OPCML: variants seen among roughly 807,000 people sequenced by gnomAD.
OPCML encodes the protein opioid-binding protein/cell adhesion molecule.
OPCML carries 13 observed loss-of-function variants against 37.8 expected under a neutral mutation model. That is an observed-to-expected ratio of 0.34 (90% CI 0.22 to 0.55). The LOEUF (loss-of-function observed/expected upper bound fraction) is 0.55, where lower values mean the gene tolerates loss of function less well. Among genes scored for constraint, OPCML ranks in the 20% least tolerant of loss-of-function variants. The probability of loss-of-function intolerance (pLI) is 0.91; values close to 1 mark genes in which losing one functional copy is unlikely to be tolerated. For synonymous variants in OPCML, 176 were observed against 168.8 expected (o/e 1.04, Z -0.33); for missense variants, 341 against 435.6 (o/e 0.78, Z 1.93).
chr11:132,966,784 C>T (rs1280941637), intron 1 of OPCML, among the ~76,000 whole-genome samples: 1 of 151,944 alleles, frequency 6.6e-6, no homozygotes, highest in East Asian at 1.9e-4. Context: ...TGGATTGACC[C>T]TTTTATCATA....
rs981997370 is a variant in OPCML, at chr11:132,916,899, G to A, written c.146+26027C>T. ...CACATTAGACCTTTCTACTAAGTAG[G>A]AAATTAAACTTTCACTAAGGCAGCA... On this transcript the variant is annotated intron_variant, in intron 2 of 7. Transcript: ENST00000524381. 2.0e-5 allele frequency among the ~76,000 whole-genome samples: 3 copies of A among 152,260 alleles called. No homozygotes were observed. The South Asian group carries it at 6.2e-4, about 32-fold the overall frequency.
chr11:132,485,713 T>C (rs2096197651), intron 4 of OPCML, among the ~76,000 whole-genome samples: 2 of 152,268 alleles, frequency 1.3e-5, no homozygotes, highest in African/African-American at 2.4e-5. Context: ...AGTTTATCCA[T>C]GTTGTATATA....
At position 132,417,244 on chromosome 11, in the gene OPCML, G is replaced by C. The variant is rs1002766112; in HGVS notation, c.*2949C>G. 1 of 152,156 alleles carries C rather than the reference G, an allele frequency of 6.6e-6. No individual in the cohort carries two copies. The highest frequency in any genetic ancestry group is 1.5e-5 in the Non-Finnish European group (1 of 68,044). 9.4% of individuals were successfully genotyped at this position (152,156 alleles called of 1,614,324 possible). On this transcript the variant is annotated 3_prime_UTR_variant, in exon 8 of 8. Coordinates refer to ENST00000524381, the MANE Select transcript of OPCML (RefSeq NM_001012393.5). ...TGTGTAAGCATTTGTTGTTCTATAT[G>C]CTTCAAAATGATGGGTGACAGCCAC...
intron 2 of OPCML, among the ~76,000 whole-genome samples, chr11:132,774,738 A>G (rs1466803808): frequency 1.3e-5 from 2 of 152,220 alleles, no homozygotes; most frequent in East Asian, 3.8e-4. Context: ...TGTCTCCAGC[A>G]GACTGTGCCC....
intron 1 of OPCML, among the ~76,000 whole-genome samples, chr11:133,337,753 G>A (rs1232529789): frequency 2.6e-5 from 4 of 152,152 alleles, no homozygotes; most frequent in Admixed American, 6.5e-5. Context: ...TTTCAACTCA[G>A]GGTGAAATCT....
chr11:133,342,988 T>C (rs1180889640), intron 1 of OPCML, among the ~76,000 whole-genome samples: 3 of 152,156 alleles, frequency 2.0e-5, no homozygotes, highest in South Asian at 4.1e-4. Flanking sequence ...CTGCAACCTT[T>C]GAACATCTCC....
At chr11:133,275,282 A>G (rs1352845278) in intron 1 of OPCML, among the ~76,000 whole-genome samples, 1 of 152,232 alleles carries the variant, frequency 6.6e-6, no homozygotes, top group African/African-American at 2.4e-5. Flanking sequence ...TTTATAGATC[A>G]GTAAAATTTA....
At chr11:133,426,339 T>C (rs1946001778) in intron 1 of OPCML, among the ~76,000 whole-genome samples, 1 of 152,160 alleles carries the variant, frequency 6.6e-6, no homozygotes, top group Non-Finnish European at 1.5e-5. Flanking sequence ...CTATCAACTT[T>C]CTACAAAAAT....
At chr11:132,829,692 A>T (rs1008891570) in intron 2 of OPCML, among the ~76,000 whole-genome samples, 1 of 152,116 alleles carries the variant, frequency 6.6e-6, no homozygotes. Context: ...GCTTTTACTG[A>T]GCATATTGAT....
At chr11:132,582,102 CTT>C (rs1210328738) in intron 3 of OPCML, among the ~76,000 whole-genome samples, 1 of 99,814 alleles carries the variant, frequency 1.0e-5, no homozygotes, top group Non-Finnish European at 2.0e-5. Context: ...TTCACACATA[CTT>C]TGTGTGTGTG....
intron 1 of OPCML, among the ~76,000 whole-genome samples, chr11:133,035,254 C>G (rs1203623857): frequency 6.6e-6 from 1 of 152,210 alleles, no homozygotes; most frequent in Non-Finnish European, 1.5e-5. Context: ...GCAATGCTGC[C>G]TCTTCCTAGA....
chr11:133,421,890 A>G (rs1945894390), intron 1 of OPCML: 18 of 550,958 alleles, frequency 3.3e-5, no homozygotes, highest in Non-Finnish European at 3.9e-5. Flanking sequence ...GTGAGAAACA[A>G]TAATTATTGT....
intron 1 of OPCML, among the ~76,000 whole-genome samples, chr11:133,527,276 A>C (rs941398041): frequency 3.3e-5 from 5 of 152,234 alleles, no homozygotes; most frequent in Non-Finnish European, 5.9e-5. Context: ...CAAAGGTGCC[A>C]TGTCTGTTGC....
At chr11:132,423,903 T>C (rs2136665315) in intron 7 of OPCML, among the ~76,000 whole-genome samples, 1 of 152,290 alleles carries the variant, frequency 6.6e-6, no homozygotes, top group East Asian at 1.9e-4. Context: ...GCACTGAAGC[T>C]TGCATACATG....
intron 2 of OPCML, among the ~76,000 whole-genome samples, chr11:132,822,794 G>T (rs1377662845): frequency 6.6e-6 from 1 of 152,200 alleles, no homozygotes; most frequent in African/African-American, 2.4e-5. Flanking sequence ...CAGCATGGAG[G>T]TGTAAGGTCA....
chr11:133,264,430 C>T (rs1941590984), intron 1 of OPCML, among the ~76,000 whole-genome samples: 1 of 152,172 alleles, frequency 6.6e-6, no homozygotes, highest in South Asian at 2.1e-4. Flanking sequence ...GAAGGTGTTG[C>T]TGTCTTACAA....
intron 2 of OPCML, among the ~76,000 whole-genome samples, chr11:132,733,644 C>G (rs186578643): frequency 6.6e-6 from 1 of 152,170 alleles, no homozygotes; most frequent in African/African-American, 2.4e-5. Flanking sequence ...GAATGTGTGA[C>G]ATTTTCTTCA....
chr11:132,658,444 C>G (rs1941809451), intron 2 of OPCML, among the ~76,000 whole-genome samples: 1 of 152,180 alleles, frequency 6.6e-6, no homozygotes. Flanking sequence ...GTGGAGATGT[C>G]AGGACCTGGC....
intron 1 of OPCML, among the ~76,000 whole-genome samples, chr11:133,471,881 G>C (rs530910387): frequency 2.6e-5 from 4 of 152,302 alleles, no homozygotes; most frequent in Admixed American, 2.6e-4. Context: ...ATGGTCCCTG[G>C]TCCCTGCAAC....
Sources: allele counts gnomAD v4.1 joint callset (sites outside exome capture counted in the v4.1 genomes callset), GRCh38; gene constraint gnomAD v4.1.1; transcripts MANE v1.5; gene names NCBI Gene and HGNC (gene_info 2026-07-23, HGNC 2026-07-21).